Variants in RAB5C observed in about 807,000 individuals in gnomAD.
RAB5C encodes ras-related protein Rab-5C.
A neutral mutation model predicts 25.2 loss-of-function variants in RAB5C; 4 were observed. The ratio of observed to expected loss-of-function variants is 0.16; its 90% CI spans 0.08 to 0.36. The LOEUF (loss-of-function observed/expected upper bound fraction) is 0.36. Ranked by LOEUF, RAB5C falls within the 10% of genes least tolerant of loss-of-function variation. The probability of loss-of-function intolerance (pLI) is 1.00; values close to 1 mark genes in which losing one functional copy is unlikely to be tolerated. For synonymous variants in RAB5C, 100 were observed against 106.4 expected (o/e 0.94, Z 0.37); for missense variants, 199 against 283.8 (o/e 0.70, Z 2.15).
intron 1 of RAB5C, among the ~76,000 whole-genome samples, chr17:42,134,066 A>C (rs184357587): frequency 2.5e-3 from 382 of 152,222 alleles, no homozygotes; most frequent in Admixed American, 7.0e-3. Context: ...CAACCTTTGC[A>C]GTCAATAAAG....
In RAB5C at chr17:42,125,683, C is replaced by G. The variant is rs367826901; in HGVS notation, c.*100G>C. ...CATGGTGGACCCCTCCCCCTGCCCC[C>G]CCAGTGGTGGCCCGAGTCGTTAAGT... On this transcript the variant is annotated 3_prime_UTR_variant, in exon 6 of 6. Coordinates refer to ENST00000346213, the MANE Select transcript of RAB5C (RefSeq NM_004583.4). The G allele has an allele frequency of 4.2e-4, 330 of 787,378 alleles. 1 individual carries two copies. The East Asian group carries it at 7.7e-3, about 18-fold the overall frequency. 48.8% of individuals were successfully genotyped at this position (787,378 alleles called of 1,614,324 possible).
chr17:42,126,638 A>AT, intron 5 of RAB5C, 117 bp downstream of exon 5: 2 of 414,368 alleles, frequency 4.8e-6, no homozygotes. Flanking sequence ...TCTCAAAAAA[A>AT]AAAAAAAAAA....
chr17:42,134,003 GTTGCCTAGTGGT>G (rs1292934639), intron 1 of RAB5C, among the ~76,000 whole-genome samples: 1 of 152,136 alleles, frequency 6.6e-6, no homozygotes, highest in Non-Finnish European at 1.5e-5. Context: ...TTTACGGTCT[GTTGCCTAGTGGT>G]TTGCCTGGCC....
rs752134866 is a variant in RAB5C at position 42,128,620 on chromosome 17, C to T, written c.318+29G>A. On this transcript the variant is annotated intron_variant, in intron 3 of 5. Coordinates refer to ENST00000346213, the MANE Select transcript of RAB5C (RefSeq NM_004583.4). ...CCTGGGACTTTGAGAAGATGAAGGG[C>T]AAAGGAAGAAGCAAGGGGAAATCTT... 4.8e-6 allele frequency: 7 copies of T among 1,446,744 alleles called. No individual in the cohort carries two copies. In the East Asian group the frequency reaches 7.7e-5, roughly 16 times the overall value. 89.6% of individuals were successfully genotyped at this position (1,446,744 alleles called of 1,614,324 possible).
At chr17:42,145,130 G>A (rs149545319) in intron 1 of RAB5C, among the ~76,000 whole-genome samples, 1,839 of 149,628 alleles carry the variant, frequency 0.012, 37 homozygotes, top group African/African-American at 0.042. Context: ...CCGAGATTGC[G>A]CCACTGCACT....
intron 1 of RAB5C, among the ~76,000 whole-genome samples, chr17:42,148,278 A>G (rs1260377092): frequency 6.6e-6 from 1 of 150,954 alleles, no homozygotes; most frequent in Non-Finnish European, 1.5e-5. Flanking sequence ...GGTGGTACAC[A>G]CCTGTAATCC....
At chr17:42,150,647 C>A (rs1358111599) in intron 1 of RAB5C, among the ~76,000 whole-genome samples, 1 of 150,860 alleles carries the variant, frequency 6.6e-6, no homozygotes, top group African/African-American at 2.4e-5. Context: ...GATCACCTCA[C>A]CTGAGGTCAG....
chr17:42,147,054 AAAAGAAAGAAAGAAAGAAAAAGAAAG>A (rs1568025004), intron 1 of RAB5C, among the ~76,000 whole-genome samples: 3 of 150,874 alleles, frequency 2.0e-5, no homozygotes, highest in South Asian at 2.1e-4. Context: ...GAAAGACAGA[AAAAGAAAGAAAGAAAGAAAAAGAAAG>A]AAAGAAAGAA....
At chr17:42,154,144 G>A (rs1313716642) in intron 1 of RAB5C, among the ~76,000 whole-genome samples, 1 of 152,310 alleles carries the variant, frequency 6.6e-6, no homozygotes, top group South Asian at 2.1e-4. Flanking sequence ...AGCAAGGGGG[G>A]AGGGGAAAGA....
At chr17:42,126,917 A>G in intron 4 of RAB5C, 69 bp from the exon 5 acceptor site, 4 of 982,154 alleles carry the variant, frequency 4.1e-6, no homozygotes. Context: ...AGGGCCCAGG[A>G]TACAAACCTT....
At chr17:42,127,482 AAGAG>A (rs1377487073) in intron 4 of RAB5C, among the ~76,000 whole-genome samples, 4 of 152,200 alleles carry the variant, frequency 2.6e-5, no homozygotes, top group African/African-American at 9.6e-5. Flanking sequence ...CCACCAAAGA[AAGAG>A]AACCAGGGAG....
intron 1 of RAB5C, chr17:42,136,220 T>G (rs1471245850): frequency 6.6e-6 from 1 of 152,158 alleles, no homozygotes; most frequent in Non-Finnish European, 1.5e-5. Flanking sequence ...AGTCAAGGTT[T>G]TGCAAATGCT....
At chr17:42,138,517 C>T (rs886565534) in intron 1 of RAB5C, among the ~76,000 whole-genome samples, 1 of 152,144 alleles carries the variant, frequency 6.6e-6, no homozygotes, top group East Asian at 1.9e-4. Context: ...CTTTTTCCAG[C>T]GGAAAGGGAA....
intron 1 of RAB5C, among the ~76,000 whole-genome samples, chr17:42,141,597 A>T (rs2144085834): frequency 6.6e-6 from 1 of 152,318 alleles, no homozygotes; most frequent in East Asian, 1.9e-4. Flanking sequence ...TCACTTCCCC[A>T]GGGAGGACTT....
intron 1 of RAB5C, among the ~76,000 whole-genome samples, chr17:42,146,219 T>C (rs146858601): frequency 6.6e-6 from 1 of 152,142 alleles, no homozygotes; most frequent in East Asian, 1.9e-4. Context: ...ACAATGAATA[T>C]AGGTAACATG....
chr17:42,150,925 A>G (rs1241417042), intron 1 of RAB5C, among the ~76,000 whole-genome samples: 30 of 152,194 alleles, frequency 2.0e-4, no homozygotes, highest in Admixed American at 2.0e-3. Flanking sequence ...CCAGTCTGCC[A>G]GCACTGGACT....
Position 42,125,735 on chromosome 17 carries a change from G to T in RAB5C, c.*48C>A. The T allele has an allele frequency of 1.5e-6, 2 of 1,361,008 alleles. No homozygotes were observed. Among genetic ancestry groups the T allele is most frequent in the South Asian group, 1.2e-5 (1 of 80,744 alleles). The allele number at this position is 1,361,008 out of a possible 1,614,324, so 84.3% of individuals were successfully genotyped here. ...CGATTGGTTAGAGTGGATTCCAGTCGGGTCATTCAGGCGGAGGAGGCGGGG... is the reference window on the plus strand; with the variant it reads ...CGATTGGTTAGAGTGGATTCCAGTCTGGTCATTCAGGCGGAGGAGGCGGGG... On this transcript the variant is annotated 3_prime_UTR_variant, in exon 6 of 6. Coordinates refer to ENST00000346213, the MANE Select transcript of RAB5C (RefSeq NM_004583.4).
intron 1 of RAB5C, among the ~76,000 whole-genome samples, chr17:42,132,051 G>C (rs2144068968): frequency 6.6e-6 from 1 of 152,354 alleles, no homozygotes; most frequent in South Asian, 2.1e-4. Context: ...AGCAAGGGAA[G>C]TACATTCCCT....
At position 42,134,826 on chromosome 17, in the gene RAB5C, C is replaced by T. The variant is rs138312309; in HGVS notation, c.-88-4236G>A. Among the ~76,000 whole-genome samples the T allele has an allele frequency of 3.3e-3, 510 of 152,294 alleles. 2 individuals carry two copies. The highest frequency in any genetic ancestry group is 0.012 in the African/African-American group (488 of 41,556). On this transcript the variant is annotated intron_variant, in intron 1 of 5. Coordinates refer to ENST00000346213, the MANE Select transcript of RAB5C (RefSeq NM_004583.4). ...CATGAAAGCGCAGAAGGGATCTAAG[C>T]TCCTAAACACCCTGGCCCTGTGCAC...
Sources: gnomAD v4.1 joint callset for allele counts (sites outside exome capture counted in the v4.1 genomes callset) on GRCh38, gnomAD v4.1.1 for gene constraint, MANE v1.5 for transcripts, NCBI Gene and HGNC (gene_info 2026-07-23, HGNC 2026-07-21) for gene names.